CNTNAP2: variants seen among roughly 807,000 people sequenced by gnomAD.
The protein encoded by CNTNAP2 is contactin associated protein 2, also known as contactin-associated protein-like 2.
CNTNAP2 carries 98 observed loss-of-function variants against 155.2 expected under a neutral mutation model. The observed-to-expected ratio is 0.63, with a 90% CI of 0.54 to 0.75. The LOEUF (loss-of-function observed/expected upper bound fraction) is 0.75. CNTNAP2 is among the 30% of genes least tolerant of loss of function. The pLI is 0.00. For synonymous variants in CNTNAP2, 651 were observed against 631.2 expected (o/e 1.03, Z -0.47); for missense variants, 1,727 against 1,688.1 (o/e 1.02, Z -0.40).
At chr7:148,367,606 G>A (rs1798808551) in intron 21 of CNTNAP2, among the ~76,000 whole-genome samples, 1 of 152,006 alleles carries the variant, frequency 6.6e-6, no homozygotes, top group Non-Finnish European at 1.5e-5. Flanking sequence ...TGGAAATACT[G>A]AAATGGGCTC....
rs566120740 is a variant in CNTNAP2, at chr7:146,534,697, T to C, written c.98-239574T>C. Among the ~76,000 whole-genome samples, 4 of 152,054 alleles carry C rather than the reference T, an allele frequency of 2.6e-5. No individual in the cohort carries two copies. In the East Asian group the frequency reaches 5.8e-4, roughly 22 times the overall value. On this transcript the variant is annotated intron_variant, in intron 1 of 23. Coordinates refer to ENST00000361727, the MANE Select transcript of CNTNAP2 (RefSeq NM_014141.6). The stretch of plus-strand genomic sequence containing the variant: ...AAGTAATAATAAAGATTGTTTTCAG[T>C]CCTACTCTTAACTTCCTACAATTTA...
intron 2 of CNTNAP2, among the ~76,000 whole-genome samples, chr7:146,831,358 A>G (rs1562965897): frequency 6.6e-6 from 1 of 152,124 alleles, no homozygotes; most frequent in Admixed American, 6.6e-5. Flanking sequence ...CCTTGGGGTT[A>G]TAATCTGAAT....
chr7:147,574,899 A>C (rs1266862628), intron 12 of CNTNAP2, among the ~76,000 whole-genome samples: 4 of 152,120 alleles, frequency 2.6e-5, no homozygotes, highest in Admixed American at 2.0e-4. Context: ...ACTATCTGTC[A>C]AACAGCCTTA....
chr7:146,420,213 T>TGG (rs1211609092), intron 1 of CNTNAP2, among the ~76,000 whole-genome samples: 4 of 151,804 alleles, frequency 2.6e-5, no homozygotes, highest in Non-Finnish European at 4.4e-5. Flanking sequence ...AACTTTGAAT[T>TGG]GGTTAAAAAA....
At chr7:147,791,177 A>G (rs987827300) in intron 13 of CNTNAP2, among the ~76,000 whole-genome samples, 1 of 151,940 alleles carries the variant, frequency 6.6e-6, no homozygotes, top group Non-Finnish European at 1.5e-5. Context: ...CATTTGTCCT[A>G]GATGCCTCTG....
chr7:148,276,459 C>T (rs1796871790), intron 21 of CNTNAP2, among the ~76,000 whole-genome samples: 1 of 152,212 alleles, frequency 6.6e-6, no homozygotes, highest in African/African-American at 2.4e-5. Context: ...TCCTCCCATC[C>T]TGCAGTGATG....
chr7:146,488,525 C>T (rs1030367012), intron 1 of CNTNAP2, among the ~76,000 whole-genome samples: 3 of 151,906 alleles, frequency 2.0e-5, no homozygotes, highest in African/African-American at 7.3e-5. Flanking sequence ...ACCACAAAAG[C>T]TTCTCACCTG....
At chr7:147,501,410 C>T (rs12113038) in intron 11 of CNTNAP2, among the ~76,000 whole-genome samples, 1 of 151,798 alleles carries the variant, frequency 6.6e-6, no homozygotes, top group Non-Finnish European at 1.5e-5. Context: ...AAGAAAAAAA[C>T]ACATCCAAAT....
At chr7:146,527,867 T>A (rs1249308339) in intron 1 of CNTNAP2, among the ~76,000 whole-genome samples, 1 of 150,140 alleles carries the variant, frequency 6.7e-6, no homozygotes, top group Non-Finnish European at 1.5e-5. Context: ...GGAGTAAAAC[T>A]GAATCATTTA....
At chr7:146,134,458 G>C (rs1411799875) in intron 1 of CNTNAP2, among the ~76,000 whole-genome samples, 2 of 151,280 alleles carry the variant, frequency 1.3e-5, no homozygotes, top group South Asian at 2.1e-4. Context: ...TTGAATAGGA[G>C]TGGTGAGAGA....
chr7:146,478,934 A>AC (rs1796919789), intron 1 of CNTNAP2, among the ~76,000 whole-genome samples: 1 of 152,114 alleles, frequency 6.6e-6, no homozygotes, highest in South Asian at 2.1e-4. Context: ...AACAAATAGG[A>AC]CCGATTATTG....
chr7:146,244,932 G>A (rs1279159024), intron 1 of CNTNAP2, among the ~76,000 whole-genome samples: 1 of 151,882 alleles, frequency 6.6e-6, no homozygotes, highest in East Asian at 1.9e-4. Flanking sequence ...CCTCGAGCTT[G>A]ATGTGTAGGG....
intron 1 of CNTNAP2, among the ~76,000 whole-genome samples, chr7:146,707,187 C>T (rs1800981413): frequency 6.6e-6 from 1 of 152,236 alleles, no homozygotes; most frequent in South Asian, 2.1e-4. Context: ...TTTCAAGAGG[C>T]TGGGACCTGA....
intron 3 of CNTNAP2, among the ~76,000 whole-genome samples, chr7:146,881,422 G>T (rs1028870978): frequency 3.3e-5 from 5 of 152,058 alleles, no homozygotes; most frequent in African/African-American, 9.7e-5. Context: ...GACATCATAA[G>T]AAGTCCTACT....
At chr7:148,331,802 A>ACGGACGGATGGAATGGACGGATGGAG (rs1798031304) in intron 21 of CNTNAP2, among the ~76,000 whole-genome samples, 1 of 19,614 alleles carries the variant, frequency 5.1e-5, no homozygotes, top group Non-Finnish European at 1.2e-4. Flanking sequence ...GATGGATAGA[A>ACGGACGGATGGAATGGACGGATGGAG]TGGCCTCCTC....
chr7:147,094,768 T>C (rs757011985), intron 4 of CNTNAP2, among the ~76,000 whole-genome samples: 4 of 152,276 alleles, frequency 2.6e-5, no homozygotes, highest in Non-Finnish European at 5.9e-5. Context: ...ACGTTTTTAG[T>C]ATTTGCTGCA....
intron 1 of CNTNAP2, among the ~76,000 whole-genome samples, chr7:146,688,194 C>T (rs1453987900): frequency 6.6e-6 from 1 of 152,022 alleles, no homozygotes; most frequent in Non-Finnish European, 1.5e-5. Flanking sequence ...AAATAATACT[C>T]AAATCATTGT....
chr7:148,172,498 C>CAG lies in CNTNAP2; in HGVS notation c.3010+23_3010+24dup. ...ACAAAGGTAAGGTGGAACCCATTTC[C>CAG]AGAGCCACTTTTGCGTGTCTTTTTA... On this transcript the variant is annotated intron_variant, in intron 18 of 23. Coordinates refer to ENST00000361727, the MANE Select transcript of CNTNAP2 (RefSeq NM_014141.6). The CAG allele has an allele frequency of 6.2e-7, 1 of 1,604,272 alleles. No homozygotes were observed. The highest frequency in any genetic ancestry group is 8.5e-7 in the Non-Finnish European group (1 of 1,171,120).
At chr7:147,234,422 C>G (rs545916083) in intron 8 of CNTNAP2, among the ~76,000 whole-genome samples, 1 of 148,094 alleles carries the variant, frequency 6.8e-6, no homozygotes, top group East Asian at 2.0e-4. Context: ...ACTGCAAGCT[C>G]CGCCTCCCAG....
Sources: allele counts gnomAD v4.1 joint callset (sites outside exome capture counted in the v4.1 genomes callset), GRCh38; gene constraint gnomAD v4.1.1; transcripts MANE v1.5; gene names NCBI Gene and HGNC (gene_info 2026-07-23, HGNC 2026-07-21).